Variants in CCDC83 observed in about 807,000 individuals in gnomAD.
The protein encoded by CCDC83 is coiled-coil domain-containing protein 83.
In CCDC83, 54 loss-of-function variants were observed where a neutral mutation model predicts 50.1. The observed-to-expected ratio is 1.08, with a 90% confidence interval of 0.87 to 1.35. CCDC83 has a LOEUF of 1.35. Ranked by LOEUF, CCDC83 falls within the 40% of genes most tolerant of loss-of-function variation. The pLI, the probability that CCDC83 is intolerant of heterozygous loss-of-function variation, is 0.00. For synonymous variants in CCDC83, 161 were observed against 153.3 expected (o/e 1.05, Z -0.37); for missense variants, 518 against 473.9 (o/e 1.09, Z -0.86).
intron 7 of CCDC83, among the ~76,000 whole-genome samples, chr11:85,909,349 A>C (rs891284045): frequency 6.6e-6 from 1 of 152,076 alleles, no homozygotes; most frequent in African/African-American, 2.4e-5. Flanking sequence ...CTTTCATCAT[A>C]TTCCCTCAAG....
chr11:85,857,820 A>G (rs2093151380), intron 1 of CCDC83, among the ~76,000 whole-genome samples: 1 of 152,170 alleles, frequency 6.6e-6, no homozygotes, highest in South Asian at 2.1e-4. Flanking sequence ...GATCGACCCC[A>G]TCAACATACT....
At chr11:85,916,898 A>G (rs34609418) in intron 10 of CCDC83, among the ~76,000 whole-genome samples, 14,684 of 151,798 alleles carry the variant, frequency 0.097, 938 homozygotes, top group Admixed American at 0.14. Context: ...ATCACCTGAG[A>G]TCGGAAATTT....
At chr11:85,913,056 T>G (rs1005260485) in intron 8 of CCDC83, among the ~76,000 whole-genome samples, 2 of 152,218 alleles carry the variant, frequency 1.3e-5, no homozygotes, top group Non-Finnish European at 2.9e-5. Flanking sequence ...CTCTTCCCTA[T>G]AAAAATCTTC....
At chr11:85,872,164 C>T (rs1220009218) in intron 2 of CCDC83, among the ~76,000 whole-genome samples, 2 of 151,998 alleles carry the variant, frequency 1.3e-5, no homozygotes, top group Admixed American at 1.3e-4. Context: ...TGTTGGCCAG[C>T]CTGGTCTGGA....
Position 85,860,834 on chromosome 11 carries a change from C to T in CCDC83, c.-28-4262C>T, listed in dbSNP as rs193231157. ...AAGAACAAAATCGTGTCCTTTGTAG[C>T]AACATGGATGCAGCTGGAGGCCATT... On this transcript the variant is annotated intron_variant, in intron 1 of 10. Transcript: ENST00000342404. Among the ~76,000 whole-genome samples the T allele has an allele frequency of 1.9e-3, 296 of 152,290 alleles. 1 individual carries two copies. Among genetic ancestry groups the T allele is most frequent in the African/African-American group, 6.8e-3 (283 of 41,558 alleles).
intron 1 of CCDC83, among the ~76,000 whole-genome samples, chr11:85,856,090 G>T (rs1472925959): frequency 6.6e-6 from 1 of 150,764 alleles, no homozygotes; most frequent in Non-Finnish European, 1.5e-5. Context: ...CCATGTTGTT[G>T]CCTCACTCCC....
rs879387370 is a variant in CCDC83 at position 85,917,245 on chromosome 11, G to A, written c.1080+1012G>A. On this transcript the variant is annotated intron_variant, in intron 10 of 10. Coordinates refer to ENST00000342404, the MANE Select transcript of CCDC83 (RefSeq NM_001286159.2). ...AAGAAAGAAAGAAAAGAAAGAAAGA[G>A]GGAAGGAGGAAAGGAAGGAAGGAAG... is the stretch of plus-strand genomic sequence containing the variant. Among the ~76,000 whole-genome samples, 143 of 137,842 alleles carry A rather than the reference G, an allele frequency of 1.0e-3. 1 individual carries two copies. The highest frequency in any genetic ancestry group is 3.7e-3 in the Middle Eastern group (1 of 272). 90.4% of individuals were successfully genotyped at this position (137,842 alleles called of 152,430 possible).
rs530964044 is a variant in CCDC83 at position 85,919,398 on chromosome 11, G to A, written c.1130G>A (p.Ser377Asn). Residue 377 changes from serine to asparagine, a missense_variant, in exon 11 of 11, where the codon AGC (serine) becomes AAC (asparagine). Transcript: ENST00000342404. ...PLGVKLMSVE[S>N]KKMPIHFQEK... The stretch of plus-strand genomic sequence containing the variant: ...GGAGTGAAGCTTATGAGTGTGGAGA[G>A]CAAGAAAATGCCCATTCATTTTCAA... 2 of 1,613,738 alleles carry A rather than the reference G, an allele frequency of 1.2e-6. No individual in the cohort carries two copies. The highest frequency in any genetic ancestry group is 2.2e-5 in the South Asian group (2 of 91,022).
intron 7 of CCDC83, among the ~76,000 whole-genome samples, chr11:85,901,148 C>T (rs1042005563): frequency 6.6e-6 from 1 of 151,968 alleles, no homozygotes; most frequent in Non-Finnish European, 1.5e-5. Flanking sequence ...AGGCAGATCA[C>T]TTGAGTGCAG....
intron 7 of CCDC83, among the ~76,000 whole-genome samples, chr11:85,904,126 A>C (rs2093414663): frequency 6.6e-6 from 1 of 152,158 alleles, no homozygotes; most frequent in South Asian, 2.1e-4. Flanking sequence ...GGTGCCAGGG[A>C]GCATGAAAGG....
intron 8 of CCDC83, 48 bp downstream of exon 8, chr11:85,911,450 G>T: frequency 6.9e-7 from 1 of 1,458,630 alleles, no homozygotes; most frequent in South Asian, 1.5e-5. Flanking sequence ...ATTTGTATCT[G>T]CTGTAAAAAG....
intron 3 of CCDC83, among the ~76,000 whole-genome samples, chr11:85,879,808 G>A (rs2093289502): frequency 6.6e-6 from 1 of 152,076 alleles, no homozygotes; most frequent in Non-Finnish European, 1.5e-5. Flanking sequence ...TAATAGAGAT[G>A]TGGTTTCACC....
At chr11:85,871,545 AG>A (rs141245178) in intron 2 of CCDC83, among the ~76,000 whole-genome samples, 3,378 of 152,304 alleles carry the variant, frequency 0.022, 136 homozygotes, top group African/African-American at 0.076. Context: ...TTTGGGGGAA[AG>A]GGCTAAGGAT....
chr11:85,867,519 A>G (rs2093214321), intron 2 of CCDC83, among the ~76,000 whole-genome samples: 1 of 152,154 alleles, frequency 6.6e-6, no homozygotes, highest in East Asian at 1.9e-4. Flanking sequence ...AGAGGCTTTC[A>G]CCTGTTTCCT....
chr11:85,888,813 CTGATT>C (rs2093338905), intron 5 of CCDC83, among the ~76,000 whole-genome samples: 1 of 152,116 alleles, frequency 6.6e-6, no homozygotes, highest in Admixed American at 6.5e-5. Context: ...TTTTATCCTA[CTGATT>C]TGAAGTGCTA....
chr11:85,919,027 A>C (rs181557051), intron 10 of CCDC83, among the ~76,000 whole-genome samples: 1 of 152,302 alleles, frequency 6.6e-6, no homozygotes, highest in Non-Finnish European at 1.5e-5. Context: ...CCTTTCACAG[A>C]CTATAGTTAG....
intron 1 of CCDC83, among the ~76,000 whole-genome samples, chr11:85,856,644 A>G (rs2093143080): frequency 1.3e-5 from 2 of 152,252 alleles, no homozygotes; most frequent in Admixed American, 1.3e-4. Context: ...TGAAGAAAAT[A>G]CATGCTAATG....
chr11:85,875,158 T>C (rs1660703174), intron 3 of CCDC83, among the ~76,000 whole-genome samples: 2 of 152,238 alleles, frequency 1.3e-5, no homozygotes, highest in African/African-American at 4.8e-5. Flanking sequence ...GACTGTGTGC[T>C]GATTGGTTTC....
chr11:85,898,815 T>A, intron 6 of CCDC83, 132 bp from the exon 7 acceptor site: 1 of 689,796 alleles, frequency 1.4e-6, no homozygotes, highest in Non-Finnish European at 2.6e-6. Context: ...AAACCAAAAG[T>A]TCTTAAGTAT....
Sources: gnomAD v4.1 joint callset for allele counts (sites outside exome capture counted in the v4.1 genomes callset) on GRCh38, gnomAD v4.1.1 for gene constraint, MANE v1.5 for transcripts, NCBI Gene and HGNC (gene_info 2026-07-23, HGNC 2026-07-21) for gene names.